Variants in NPAS2 observed in about 807,000 individuals in gnomAD.
NPAS2 encodes the protein neuronal PAS domain-containing protein 2.
A neutral mutation model predicts 107.5 loss-of-function variants in NPAS2; 23 were observed. The ratio of observed to expected loss-of-function variants is 0.21; its 90% CI spans 0.15 to 0.30. NPAS2 has a LOEUF of 0.30. Among genes scored for constraint, NPAS2 ranks in the 10% least tolerant of loss-of-function variants. The probability of loss-of-function intolerance (pLI) is 1.00; values close to 1 mark genes in which losing one functional copy is unlikely to be tolerated. For synonymous variants in NPAS2, 403 were observed against 417.5 expected (o/e 0.97, Z 0.42); for missense variants, 756 against 1,043.3 (o/e 0.72, Z 3.79).
In NPAS2 at chr2:100,857,072, G is replaced by A. The variant is rs540624312; in HGVS notation, c.-23+36658G>A. Among the ~76,000 whole-genome samples the A allele has an allele frequency of 1.5e-4, 23 of 152,248 alleles. No individual in the cohort carries two copies. In the East Asian group the frequency reaches 2.1e-3, roughly 14 times the overall value. ...TATAATCCCAGCACTTTGGGAGGCC[G>A]AGGTGGGCGGATCACCTGAGGGCAG... On this transcript the variant is annotated intron_variant, in intron 1 of 20. Transcript: ENST00000335681.
chr2:100,882,637 G>A (rs896672736), intron 1 of NPAS2, among the ~76,000 whole-genome samples: 6 of 147,632 alleles, frequency 4.1e-5, no homozygotes, highest in African/African-American at 2.5e-5. Flanking sequence ...AACAAAAAAC[G>A]ATGGGGTCCC....
Position 100,993,396 on chromosome 2 carries a change from A to G in NPAS2, c.2161A>G (p.Asn721Asp). The G allele has an allele frequency of 6.2e-7, 1 of 1,610,994 alleles. No homozygotes were observed. The highest frequency in any genetic ancestry group is 8.5e-7 in the Non-Finnish European group (1 of 1,177,728). The change falls in exon 20 of 21, where the codon AAC (asparagine) becomes GAC (aspartate). Residue 721 changes from asparagine to aspartate, a missense_variant. Coordinates refer to ENST00000335681, the MANE Select transcript of NPAS2 (RefSeq NM_002518.4). ...TCAAAATCCAGACGCACACCCCGCCAACAGCAGCAGCGCCCCGATGCCCGT... is the reference window on the plus strand; with the variant it reads ...TCAAAATCCAGACGCACACCCCGCCGACAGCAGCAGCGCCCCGATGCCCGT... ...VFQNPDAHPA[N>D]SSSAPMPVLL... is the part of the protein sequence containing the mutation.
chr2:100,843,380 A>T (rs1677570415), intron 1 of NPAS2, among the ~76,000 whole-genome samples: 1 of 152,204 alleles, frequency 6.6e-6, no homozygotes, highest in South Asian at 2.1e-4. Flanking sequence ...TTGCACACAC[A>T]TTAAAATTAG....
chr2:100,949,290 C>A, intron 6 of NPAS2, 77 bp from the exon 7 acceptor site: 1 of 850,960 alleles, frequency 1.2e-6, no homozygotes, highest in Non-Finnish European at 2.0e-6. Flanking sequence ...TAAGAGTTTT[C>A]ACAGAGACGC....
intron 2 of NPAS2, among the ~76,000 whole-genome samples, chr2:100,910,129 G>A (rs1356979603): frequency 6.6e-6 from 1 of 152,134 alleles, no homozygotes; most frequent in African/African-American, 2.4e-5. Flanking sequence ...AATAATTTCA[G>A]TAAATTTTAA....
intron 7 of NPAS2, among the ~76,000 whole-genome samples, chr2:100,953,973 G>A (rs1291766653): frequency 3.3e-5 from 5 of 152,150 alleles, no homozygotes; most frequent in Non-Finnish European, 4.4e-5. Context: ...TCATGCTCTC[G>A]GGTCCCTGGG....
chr2:100,859,686 G>A (rs1439774202), intron 1 of NPAS2, among the ~76,000 whole-genome samples: 1 of 152,132 alleles, frequency 6.6e-6, no homozygotes, highest in Non-Finnish European at 1.5e-5. Flanking sequence ...CTTGAGGGGT[G>A]GTTAGAGGTA....
At chr2:100,825,248 C>G (rs72816907) in intron 1 of NPAS2, among the ~76,000 whole-genome samples, 8,330 of 151,776 alleles carry the variant, frequency 0.055, 323 homozygotes, top group African/African-American at 0.11. Context: ...ATATTTGTGC[C>G]CCTTGGTGAT....
chr2:100,947,552 CA>C (rs35943087), intron 5 of NPAS2, among the ~76,000 whole-genome samples: 34 of 138,158 alleles, frequency 2.5e-4, no homozygotes, highest in Middle Eastern at 3.7e-3. Flanking sequence ...CACTCTGTCT[CA>C]AAAAAAAAAA....
intron 1 of NPAS2, among the ~76,000 whole-genome samples, chr2:100,861,774 T>C (rs1217184518): frequency 1.3e-5 from 2 of 152,196 alleles, no homozygotes; most frequent in African/African-American, 4.8e-5. Context: ...GGCAGATGCT[T>C]GGCATTTTCA....
At chr2:100,990,074 A>G (rs72821030) in intron 17 of NPAS2, 182 bp from the exon 18 acceptor site, 72,380 of 653,616 alleles carry the variant, frequency 0.11, 4,769 homozygotes, top group Non-Finnish European at 0.14. Flanking sequence ...CCTAGGCCCA[A>G]GGGATTCAAA....
intron 1 of NPAS2, among the ~76,000 whole-genome samples, chr2:100,841,920 T>C (rs113321777): frequency 2.6e-5 from 4 of 152,146 alleles, no homozygotes; most frequent in African/African-American, 9.7e-5. Context: ...TAACTGCACA[T>C]GTATGTATAC....
chr2:100,912,653 C>T (rs1234036139), intron 2 of NPAS2, among the ~76,000 whole-genome samples: 1 of 152,230 alleles, frequency 6.6e-6, no homozygotes, highest in African/African-American at 2.4e-5. Context: ...TTTCAACCAG[C>T]ATGTCCACTG....
intron 4 of NPAS2, among the ~76,000 whole-genome samples, chr2:100,936,166 T>C (rs548393018): frequency 2.4e-4 from 36 of 152,298 alleles, no homozygotes; most frequent in African/African-American, 8.4e-4. Flanking sequence ...ATTTTCCTGG[T>C]GAAAAGAACT....
chr2:100,831,926 T>C (rs1676766591), intron 1 of NPAS2, among the ~76,000 whole-genome samples: 2 of 152,092 alleles, frequency 1.3e-5, no homozygotes, highest in South Asian at 4.1e-4. Flanking sequence ...CCATATTCTT[T>C]TTGCCTTCGT....
chr2:100,967,524 C>A (rs2105173832), intron 10 of NPAS2, among the ~76,000 whole-genome samples: 1 of 152,258 alleles, frequency 6.6e-6, no homozygotes, highest in Non-Finnish European at 1.5e-5. Context: ...CTGTGCCCAG[C>A]CATCAGTGTC....
intron 7 of NPAS2, among the ~76,000 whole-genome samples, chr2:100,959,228 C>T (rs963778607): frequency 1.3e-4 from 20 of 151,876 alleles, no homozygotes; most frequent in African/African-American, 4.6e-4. Flanking sequence ...CAAGATCGCA[C>T]CACTGTGTTC....
intron 1 of NPAS2, among the ~76,000 whole-genome samples, chr2:100,853,512 T>G (rs1226553198): frequency 6.6e-6 from 1 of 152,190 alleles, no homozygotes; most frequent in African/African-American, 2.4e-5. Context: ...ACAGAGGACA[T>G]GATCATCTTT....
chr2:100,823,207 A>G (rs72968173), intron 1 of NPAS2, among the ~76,000 whole-genome samples: 2,777 of 152,340 alleles, frequency 0.018, 97 homozygotes, highest in African/African-American at 0.062. Context: ...GATGATGATT[A>G]ATAGTATCTC....
Sources: gnomAD v4.1 joint callset for allele counts (sites outside exome capture counted in the v4.1 genomes callset) on GRCh38, gnomAD v4.1.1 for gene constraint, MANE v1.5 for transcripts, NCBI Gene and HGNC (gene_info 2026-07-23, HGNC 2026-07-21) for gene names.